Variants in GPC5 observed in about 807,000 individuals in gnomAD.
The protein encoded by GPC5 is glypican-5.
In GPC5, 47 loss-of-function variants were observed where a neutral mutation model predicts 53.9. That is an observed-to-expected ratio of 0.87 (90% CI 0.69 to 1.11). GPC5 has a LOEUF of 1.11. GPC5 is among the 50% of genes most tolerant of loss of function. The pLI is 0.00. For missense variants in GPC5, 748 were observed against 713.1 expected, an observed-to-expected ratio of 1.05 and a Z score of -0.56; for synonymous variants, 286 against 263.3, an observed-to-expected ratio of 1.09 and a Z score of -0.84.
At chr13:92,615,949 G>A (rs571362715) in intron 7 of GPC5, among the ~76,000 whole-genome samples, 12 of 152,148 alleles carry the variant, frequency 7.9e-5, no homozygotes, top group Non-Finnish European at 1.6e-4. Context: ...AGCTACTTGG[G>A]AGGCTGAGGC....
chr13:91,974,346 A>G (rs1242123310), intron 6 of GPC5, among the ~76,000 whole-genome samples: 1 of 152,172 alleles, frequency 6.6e-6, no homozygotes, highest in Non-Finnish European at 1.5e-5. Flanking sequence ...TTTGTAGATG[A>G]CATGATTGTA....
chr13:92,352,923 T>C (rs192245177), intron 7 of GPC5, among the ~76,000 whole-genome samples: 5 of 152,064 alleles, frequency 3.3e-5, no homozygotes, highest in Non-Finnish European at 5.9e-5. Flanking sequence ...AAAATAATAT[T>C]GATGGTGGTG....
chr13:91,557,052 C>G (rs995706639), intron 2 of GPC5, among the ~76,000 whole-genome samples: 1 of 152,024 alleles, frequency 6.6e-6, no homozygotes, highest in Admixed American at 6.6e-5. Flanking sequence ...TTTTATTAAC[C>G]TAGGCTAAAT....
intron 2 of GPC5, among the ~76,000 whole-genome samples, chr13:91,620,304 A>G (rs1197600574): frequency 6.6e-6 from 1 of 152,146 alleles, no homozygotes; most frequent in Admixed American, 6.6e-5. Context: ...TATGCTAAAG[A>G]TAGGCTTTAA....
chr13:92,660,560 C>T (rs1354051932), intron 7 of GPC5, among the ~76,000 whole-genome samples: 1 of 143,114 alleles, frequency 7.0e-6, no homozygotes, highest in East Asian at 1.9e-4. Context: ...GTACTATTCT[C>T]TTTTCACATA....
intron 3 of GPC5, among the ~76,000 whole-genome samples, chr13:91,698,937 A>G (rs1235542412): frequency 6.6e-6 from 1 of 152,206 alleles, no homozygotes; most frequent in Non-Finnish European, 1.5e-5. Context: ...ACACAGGCAC[A>G]TGCAAACTAT....
At chr13:92,535,411 G>A (rs374813745) in intron 7 of GPC5, among the ~76,000 whole-genome samples, 13 of 152,066 alleles carry the variant, frequency 8.5e-5, no homozygotes, top group East Asian at 5.8e-4. Flanking sequence ...CAGGAGACTG[G>A]AGCTCAGCCT....
chr13:91,940,561 A>G (rs1447797206), intron 6 of GPC5, among the ~76,000 whole-genome samples: 1 of 152,134 alleles, frequency 6.6e-6, no homozygotes, highest in East Asian at 1.9e-4. Flanking sequence ...TTCTTTGAGA[A>G]AACTCCAAAC....
intron 7 of GPC5, among the ~76,000 whole-genome samples, chr13:92,309,230 A>G (rs556707458): frequency 1.3e-5 from 2 of 152,186 alleles, no homozygotes; most frequent in South Asian, 4.1e-4. Flanking sequence ...GTATACCGCA[A>G]TGATTGAGGA....
At chr13:91,674,812 G>C (rs904795266) in intron 2 of GPC5, among the ~76,000 whole-genome samples, 5 of 151,542 alleles carry the variant, frequency 3.3e-5, no homozygotes, top group African/African-American at 1.2e-4. Context: ...ATTCCTGTCA[G>C]TGGAGTAAAA....
intron 2 of GPC5, among the ~76,000 whole-genome samples, chr13:91,607,810 T>A (rs1217665846): frequency 6.6e-6 from 1 of 152,164 alleles, no homozygotes; most frequent in Non-Finnish European, 1.5e-5. Context: ...ACTAAAAGCA[T>A]GTAATAAATT....
chr13:91,728,661 A>C lies in GPC5; in HGVS notation c.1150A>C (p.Arg384=). The change falls in exon 4 of 8, where the codon AGA becomes CGA. Residue 384 remains arginine (R), a synonymous_variant. Transcript: ENST00000377067. The part of the protein sequence containing the change: ...RNSEETLANR[R]KEFINSLRLY... Reference sequence around the variant, plus strand: ...CAGTGAAGAGACGCTTGCCAACAGAAGAAAGTAAGACATTTGTTTTACAAC... The same window carrying C: ...CAGTGAAGAGACGCTTGCCAACAGACGAAAGTAAGACATTTGTTTTACAAC... 6.2e-7 allele frequency: 1 copy of C among 1,610,238 alleles called. No individual in the cohort carries two copies. The highest frequency in any genetic ancestry group is 8.5e-7 in the Non-Finnish European group (1 of 1,178,054).
At chr13:91,471,412 CCT>C (rs1882617549) in intron 2 of GPC5, among the ~76,000 whole-genome samples, 1 of 151,894 alleles carries the variant, frequency 6.6e-6, no homozygotes, top group East Asian at 1.9e-4. Context: ...GATTAATGGA[CCT>C]TTGGTATAAA....
At chr13:91,777,218 T>A (rs1436187602) in intron 5 of GPC5, among the ~76,000 whole-genome samples, 1 of 152,238 alleles carries the variant, frequency 6.6e-6, no homozygotes, top group Non-Finnish European at 1.5e-5. Flanking sequence ...TTATGTAGCA[T>A]TCAATGAAAG....
intron 7 of GPC5, among the ~76,000 whole-genome samples, chr13:92,169,020 T>C (rs887302922): frequency 1.3e-5 from 2 of 152,180 alleles, no homozygotes; most frequent in African/African-American, 4.8e-5. Flanking sequence ...CAAGATCATG[T>C]CCTTAGCAGG....
At chr13:92,493,774 C>A (rs750309461) in intron 7 of GPC5, among the ~76,000 whole-genome samples, 1 of 152,250 alleles carries the variant, frequency 6.6e-6, no homozygotes, top group African/African-American at 2.4e-5. Context: ...CCAGACGTAG[C>A]GCTAGCAATT....
chr13:91,739,484 G>A (rs1555342902), intron 4 of GPC5, among the ~76,000 whole-genome samples: 3 of 151,480 alleles, frequency 2.0e-5, no homozygotes, highest in South Asian at 2.1e-4. Flanking sequence ...GAGCTAATTA[G>A]TTGCGGGGTT....
intron 1 of GPC5, among the ~76,000 whole-genome samples, chr13:91,446,788 C>A (rs1280975743): frequency 6.6e-6 from 1 of 152,174 alleles, no homozygotes; most frequent in Non-Finnish European, 1.5e-5. Flanking sequence ...TTTCCCTTTT[C>A]ACTGTGACCC....
intron 7 of GPC5, among the ~76,000 whole-genome samples, chr13:92,408,262 G>A (rs1875880030): frequency 6.6e-6 from 1 of 152,162 alleles, no homozygotes. Flanking sequence ...AAGCCAAGTG[G>A]TTTCTGAATT....
Sources: allele counts gnomAD v4.1 joint callset (sites outside exome capture counted in the v4.1 genomes callset), GRCh38; gene constraint gnomAD v4.1.1; transcripts MANE v1.5; gene names NCBI Gene and HGNC (gene_info 2026-07-23, HGNC 2026-07-21).